The following MRPS6 variants were observed in gnomAD, a reference collection of about 807,000 sequenced individuals.
MRPS6 encodes small ribosomal subunit protein bS6m.
Under a neutral mutation model 13.1 loss-of-function variants are expected in MRPS6, and 6 were observed. That is an observed-to-expected ratio of 0.46 (90% CI 0.25 to 0.91). The LOEUF is 0.91. MRPS6 is among the 40% of genes least tolerant of loss of function. The pLI, the probability that MRPS6 is intolerant of heterozygous loss-of-function variation, is 0.18. For synonymous variants in MRPS6, 61 were observed against 56.5 expected (o/e 1.08, Z -0.36); for missense variants, 164 against 155.6 (o/e 1.05, Z -0.29).
chr21:34,095,514 G>A, intron 1 of MRPS6: 1 of 1,613,958 alleles, frequency 6.2e-7, no homozygotes, highest in Non-Finnish European at 8.5e-7. Flanking sequence ...CCGGTCAGGG[G>A]TATATACCAT....
intron 1 of MRPS6, among the ~76,000 whole-genome samples, chr21:34,079,260 A>C (rs1042784631): frequency 9.9e-5 from 15 of 152,220 alleles, no homozygotes; most frequent in Non-Finnish European, 2.9e-5. Flanking sequence ...TCCATAAGTA[A>C]AGTTACATTG....
chr21:34,113,232 T>C (rs536677529), intron 1 of MRPS6, among the ~76,000 whole-genome samples: 2 of 152,326 alleles, frequency 1.3e-5, no homozygotes, highest in Non-Finnish European at 2.9e-5. Context: ...GTCTTACTAC[T>C]GGATAAATGG....
intron 2 of MRPS6, among the ~76,000 whole-genome samples, chr21:34,134,579 C>G (rs1980620838): frequency 6.6e-6 from 1 of 152,224 alleles, no homozygotes; most frequent in African/African-American, 2.4e-5. Flanking sequence ...TATACACTCA[C>G]AGAATCACCA....
intron 2 of MRPS6, among the ~76,000 whole-genome samples, chr21:34,129,686 T>C (rs1980432435): frequency 6.6e-6 from 1 of 152,168 alleles, no homozygotes. Flanking sequence ...TGGCACCCTC[T>C]CTAGAGGAGA....
In MRPS6 at chr21:34,095,072, GA is replaced by G. The variant is rs1217703262; in HGVS notation, c.45+21328del. 7.5e-6 allele frequency: 8 copies of G among 1,066,078 alleles called. No homozygotes were observed. The African/African-American group carries it at 1.2e-4, about 17-fold the overall frequency. The allele number at this position is 1,066,078 out of a possible 1,614,324, so 66.0% of individuals were successfully genotyped here. A position where few individuals can be genotyped will look rare whatever the true frequency, so the allele number is the denominator to read the frequency against. ...CAGCAAACCAAAGGACAAAGACTTTGACCCTGCTGTGTTGCTCTGTGTAGTC... is the reference window on the plus strand; with the variant it reads ...CAGCAAACCAAAGGACAAAGACTTTGCCCTGCTGTGTTGCTCTGTGTAGTC... On this transcript the variant is annotated intron_variant, in intron 1 of 2. Transcript: ENST00000399312.
chr21:34,093,845 A>G (rs1978834669), intron 1 of MRPS6, among the ~76,000 whole-genome samples: 1 of 152,154 alleles, frequency 6.6e-6, no homozygotes. Flanking sequence ...CAGAACTGAA[A>G]AATTCCTGAT....
intron 1 of MRPS6, among the ~76,000 whole-genome samples, chr21:34,085,857 C>T (rs1189591590): frequency 1.3e-5 from 2 of 152,172 alleles, no homozygotes; most frequent in East Asian, 3.9e-4. Flanking sequence ...CCGCCTCGGC[C>T]TCCCAAAGTG....
intron 2 of MRPS6, among the ~76,000 whole-genome samples, chr21:34,141,243 G>A (rs1602973437): frequency 1.3e-5 from 2 of 152,166 alleles, no homozygotes; most frequent in East Asian, 3.8e-4. Context: ...GTGCTTTAGT[G>A]GAGTGAGGCA....
intron 1 of MRPS6, among the ~76,000 whole-genome samples, chr21:34,074,410 C>T (rs1391273227): frequency 6.6e-6 from 1 of 152,244 alleles, no homozygotes; most frequent in Non-Finnish European, 1.5e-5. Context: ...TTTCATTCAT[C>T]CAAGTTGTGG....
In MRPS6 at chr21:34,142,706, A is replaced by G; in HGVS notation, c.*106A>G. 1.5e-6 allele frequency: 2 copies of G among 1,302,200 alleles called. No homozygotes were observed. 80.7% of individuals were successfully genotyped at this position (1,302,200 alleles called of 1,614,324 possible). ...TGGCCTTTATATAAGCATGTGTTGC[A>G]GGTGCTGTTTGATTTTTCTAAGGTA... On this transcript the variant is annotated 3_prime_UTR_variant, in exon 3 of 3. Transcript: ENST00000399312.
At chr21:34,098,922 G>GAT (rs1396302767) in intron 1 of MRPS6, 1 of 990,316 alleles carries the variant, frequency 1.0e-6, no homozygotes, top group Admixed American at 6.2e-5. Context: ...TAGATTGCAT[G>GAT]ATTTTACTAG....
chr21:34,138,870 A>G (rs1249297241), intron 2 of MRPS6, among the ~76,000 whole-genome samples: 2 of 152,112 alleles, frequency 1.3e-5, no homozygotes, highest in African/African-American at 2.4e-5. Context: ...TCATGCTGCT[A>G]TAAAGACACA....
At chr21:34,127,675 A>C (rs867910223) in intron 2 of MRPS6, among the ~76,000 whole-genome samples, 1 of 152,214 alleles carries the variant, frequency 6.6e-6, no homozygotes, top group Admixed American at 6.5e-5. Context: ...GCTTAAGGTT[A>C]GTCTGATATT....
At chr21:34,124,340 C>T (rs1052714059) in intron 1 of MRPS6, 4 of 152,152 alleles carry the variant, frequency 2.6e-5, no homozygotes, top group Non-Finnish European at 2.9e-5. Flanking sequence ...ACATTGCATT[C>T]GTTGCAGTTT....
rs111299643 is a variant in MRPS6 at position 34,096,666 on chromosome 21, G to A, written c.45+22921G>A. ...AGCAGTCCGTTTGATACTGGCCTTT[G>A]CCTACCGTGCCCCAGAATGTGACCA... is the stretch of plus-strand genomic sequence containing the variant. On this transcript the variant is annotated intron_variant, in intron 1 of 2. Coordinates refer to ENST00000399312, the MANE Select transcript of MRPS6 (RefSeq NM_032476.4). The surrounding 1 kb of genome is among the most constrained non-coding windows in gnomAD (Gnocchi z 5.9). The A allele has an allele frequency of 2.3e-4, 379 of 1,614,132 alleles. 1 individual carries two copies. In the African/African-American group the frequency reaches 3.6e-3, roughly 15 times the overall value.
intron 1 of MRPS6, among the ~76,000 whole-genome samples, chr21:34,078,481 AT>A (rs898466122): frequency 3.3e-5 from 5 of 151,598 alleles, no homozygotes; most frequent in African/African-American, 9.7e-5. Context: ...TTTTGCACTA[AT>A]TTTTTTTCTT....
intron 1 of MRPS6, chr21:34,102,714 A>G: frequency 2.0e-6 from 2 of 1,000,174 alleles, no homozygotes; most frequent in South Asian, 9.4e-5. Flanking sequence ...GCAAATCAAG[A>G]CAAAACACAG....
intron 2 of MRPS6, among the ~76,000 whole-genome samples, chr21:34,141,929 A>G (rs1305042148): frequency 1.3e-5 from 2 of 152,180 alleles, no homozygotes; most frequent in East Asian, 1.9e-4. Context: ...TGCCTTTCTT[A>G]ATCTTTTCCC....
At chr21:34,094,741 A>AT (rs151247109) in intron 1 of MRPS6, 151,138 of 153,106 alleles carry the variant, frequency 0.99, 74,629 homozygotes, top group Non-Finnish European at 1. Context: ...TATTAAAAAA[A>AT]TTTTTTTTCT....
Sources: allele counts gnomAD v4.1 joint callset (sites outside exome capture counted in the v4.1 genomes callset), GRCh38; gene constraint gnomAD v4.1.1; non-coding constraint Gnocchi (gnomAD v3.1); transcripts MANE v1.5; gene names NCBI Gene and HGNC (gene_info 2026-07-23, HGNC 2026-07-21).